The following LAMA3 variants were observed in gnomAD, a reference collection of about 807,000 sequenced individuals.
LAMA3 encodes laminin subunit alpha-3.
A neutral mutation model predicts 402.0 loss-of-function variants in LAMA3; 281 were observed. That is an observed-to-expected ratio of 0.70 (90% confidence interval 0.63 to 0.77). The LOEUF (loss-of-function observed/expected upper bound fraction) is 0.77, where lower values mean the gene tolerates loss of function less well. Among genes scored for constraint, LAMA3 ranks in the 30% least tolerant of loss-of-function variants. The pLI is 0.00. For synonymous variants in LAMA3, 1,431 were observed against 1,558.4 expected, an observed-to-expected ratio of 0.92 and a Z score of 1.93; for missense variants, 3,840 against 4,215.5, an observed-to-expected ratio of 0.91 and a Z score of 2.47.
At chr18:23,948,560 T>C (rs11872321) in intron 70 of LAMA3, among the ~76,000 whole-genome samples, 200 of 152,178 alleles carry the variant, frequency 1.3e-3, no homozygotes, top group African/African-American at 4.4e-3. Context: ...CACATCAACA[T>C]TTTCTCTTTC....
At position 23,696,509 on chromosome 18, in the gene LAMA3, T is replaced by C. The variant is rs538488780; in HGVS notation, c.294+6532T>C. Among the ~76,000 whole-genome samples, 245 of 150,788 alleles carry C rather than the reference T, an allele frequency of 1.6e-3. 2 individuals carry two copies. Among genetic ancestry groups the C allele is most frequent in the Middle Eastern group, 0.01 (3 of 290 alleles). Reference sequence around the variant, plus strand: ...ATGCTAAGAGCAGGTGAAATCCCCCTGTTTTTTTTGAGACGGAGTTTTGCT... The same window carrying C: ...ATGCTAAGAGCAGGTGAAATCCCCCCGTTTTTTTTGAGACGGAGTTTTGCT... On this transcript the variant is annotated intron_variant, in intron 1 of 74. Transcript: ENST00000313654.
chr18:23,693,530 CA>C lies in LAMA3; in HGVS notation c.294+3569del, dbSNP rs34337453. Among the ~76,000 whole-genome samples the C allele has an allele frequency of 8.8e-3, 994 of 113,176 alleles. 1 individual carries two copies. The highest frequency in any genetic ancestry group is 0.017 in the African/African-American group (564 of 32,734). The allele number at this position is 113,176 out of a possible 152,430, so 74.2% of individuals were successfully genotyped here. A position where few individuals can be genotyped will look rare whatever the true frequency, so the allele number is the denominator to read the frequency against. On this transcript the variant is annotated intron_variant, in intron 1 of 74. Transcript: ENST00000313654. The stretch of plus-strand genomic sequence containing the variant: ...AGCTCTTGAGAGTGAGACTCTGTAT[CA>C]AAAAAAAAAAAAAAAGAGAAACGTA...
chr18:23,738,186 G>C (rs1018982101), intron 2 of LAMA3, among the ~76,000 whole-genome samples: 1 of 152,136 alleles, frequency 6.6e-6, no homozygotes, highest in Non-Finnish European at 1.5e-5. Flanking sequence ...GTGTGGATGT[G>C]TGGGGAGAAG....
At chr18:23,782,363 C>G (rs528876821) in intron 11 of LAMA3, among the ~76,000 whole-genome samples, 3 of 152,148 alleles carry the variant, frequency 2.0e-5, no homozygotes, top group Admixed American at 2.0e-4. Context: ...TGAGACCAGC[C>G]TGGCCAACAT....
At chr18:23,743,371 T>G (rs2061596614) in intron 2 of LAMA3, among the ~76,000 whole-genome samples, 1 of 152,216 alleles carries the variant, frequency 6.6e-6, no homozygotes, top group South Asian at 2.1e-4. Context: ...CAGCTCTGTC[T>G]CTGTGTTTGC....
At chr18:23,776,306 C>T (rs960551298) in intron 10 of LAMA3, among the ~76,000 whole-genome samples, 6 of 152,124 alleles carry the variant, frequency 3.9e-5, no homozygotes, top group South Asian at 2.1e-4. Flanking sequence ...CCCAGGGAAA[C>T]GTTTCCTCTC....
At chr18:23,935,390 C>T (rs1192294155) in intron 67 of LAMA3, among the ~76,000 whole-genome samples, 1 of 152,214 alleles carries the variant, frequency 6.6e-6, no homozygotes, top group African/African-American at 2.4e-5. Context: ...TGGGCTTCAG[C>T]AGATAGGGTG....
In LAMA3 at chr18:23,916,615, C is replaced by A; in HGVS notation, c.7843C>A (p.Pro2615Thr). ...GTGYARVPTQ[P>T]HAPIPTFGQT... is the part of the protein sequence containing the mutation. ...GGGCTATGCTCGAGTTCCAACTCAA[C>A]CACATGCTCCCATCCCAACCTTTGG... Residue 2615 changes from proline to threonine, a missense_variant, in exon 60 of 75, where the codon CCA (proline) becomes ACA (threonine). By Grantham distance (38) the Pro-to-Thr change is conservative (BLOSUM62 -1). Coordinates refer to ENST00000313654, the MANE Select transcript of LAMA3 (RefSeq NM_198129.4). The A allele has an allele frequency of 6.2e-7, 1 of 1,614,038 alleles. No individual in the cohort carries two copies. Among genetic ancestry groups the A allele is most frequent in the Non-Finnish European group, 8.5e-7 (1 of 1,179,886 alleles).
chr18:23,819,773 G>T, intron 18 of LAMA3, 68 bp from the exon 19 acceptor site: 2 of 1,348,266 alleles, frequency 1.5e-6, no homozygotes, highest in Non-Finnish European at 2.1e-6. Flanking sequence ...TAACTATTGT[G>T]ATTAAAAGAT....
At position 23,839,733 on chromosome 18, in the gene LAMA3, T is replaced by A; in HGVS notation, c.3192-52T>A. 1 of 1,599,918 alleles carries A rather than the reference T, an allele frequency of 6.3e-7. No individual in the cohort carries two copies. Among genetic ancestry groups the A allele is most frequent in the South Asian group, 1.1e-5 (1 of 90,732 alleles). On this transcript the variant is annotated intron_variant, in intron 26 of 74. Transcript: ENST00000313654. The surrounding 1 kb of genome is among the most constrained non-coding windows in gnomAD (Gnocchi z 4.5). ...CTGTCTCTTCACTGATGGTCAGTTC[T>A]GTAGCTTTGGGTTCTTTTAAAAATC...
chr18:23,915,428 T>C lies in LAMA3; in HGVS notation c.7778+6T>C. The C allele has an allele frequency of 6.2e-7, 1 of 1,613,138 alleles. No homozygotes were observed. The highest frequency in any genetic ancestry group is 2.2e-5 in the East Asian group (1 of 44,846). ...GAAGTGGAGCCTTGTAGAAGGTAAA[T>C]AAAATGTAGAAACCAGAAACTCTGT... On this transcript the variant is annotated splice_donor_region_variant and intron_variant, in intron 59 of 74. Transcript: ENST00000313654.
intron 60 of LAMA3, 106 bp from the exon 61 acceptor site, chr18:23,920,829 A>G: frequency 7.4e-7 from 1 of 1,345,392 alleles, no homozygotes; most frequent in African/African-American, 1.4e-5. Context: ...CTGAGGCAGC[A>G]GCTGAAGCTG....
At chr18:23,699,993 A>G (rs750974220) in intron 1 of LAMA3, among the ~76,000 whole-genome samples, 1 of 152,216 alleles carries the variant, frequency 6.6e-6, no homozygotes, top group Non-Finnish European at 1.5e-5. Flanking sequence ...CTCGCAAAAT[A>G]TAGTAATTAC....
intron 67 of LAMA3, among the ~76,000 whole-genome samples, chr18:23,938,731 G>A (rs948434): frequency 0.7 from 105,893 of 151,210 alleles, 40,701 homozygotes; most frequent in Non-Finnish European, 0.88. Flanking sequence ...GGTGGAAAGG[G>A]GCACCAGGCA....
At chr18:23,710,318 A>G (rs934928553) in intron 1 of LAMA3, 1 of 475,926 alleles carries the variant, frequency 2.1e-6, no homozygotes, top group Admixed American at 2.7e-5. Flanking sequence ...TTGATTTTCA[A>G]AAGTATTGTC....
chr18:23,902,926 T>A, intron 48 of LAMA3, 83 bp from the exon 49 acceptor site: 1 of 803,846 alleles, frequency 1.2e-6, no homozygotes, highest in South Asian at 1.4e-5. Context: ...TGAAATTACG[T>A]ATATGCTATT....
chr18:23,710,073 T>A (rs1426852416), intron 1 of LAMA3: 3 of 754,072 alleles, frequency 4.0e-6, no homozygotes, highest in Non-Finnish European at 7.2e-6. Context: ...GATAGCATAG[T>A]GGTCAAGCTT....
chr18:23,757,520 TC>T lies in LAMA3; in HGVS notation c.948-870del, dbSNP rs1180956823. ...AGACCCTTCTTGGCCTCGCTCCAGC[TC>T]CCCCCAGCAGTTGCCAAAAAGATAG... On this transcript the variant is annotated intron_variant, in intron 6 of 74. Transcript: ENST00000313654. Among the ~76,000 whole-genome samples the T allele has an allele frequency of 7.4e-5, 9 of 121,306 alleles. 1 individual carries two copies. The highest frequency in any genetic ancestry group is 3.8e-4 in the Admixed American group (4 of 10,580). The allele number at this position is 121,306 out of a possible 152,430, so 79.6% of individuals were successfully genotyped here.
chr18:23,804,611 A>T (rs537608756), intron 12 of LAMA3, among the ~76,000 whole-genome samples: 1 of 152,188 alleles, frequency 6.6e-6, no homozygotes, highest in East Asian at 1.9e-4. Flanking sequence ...ATGACACAGG[A>T]CCAGAGTTGA....
Sources: allele counts gnomAD v4.1 joint callset (sites outside exome capture counted in the v4.1 genomes callset), GRCh38; gene constraint gnomAD v4.1.1; non-coding constraint Gnocchi (gnomAD v3.1); transcripts MANE v1.5; gene names NCBI Gene and HGNC (gene_info 2026-07-23, HGNC 2026-07-21).